GALNT14: variants seen among roughly 807,000 people sequenced by gnomAD.
The protein encoded by GALNT14 is polypeptide N-acetylgalactosaminyltransferase 14.
GALNT14 carries 60 observed loss-of-function variants against 77.5 expected under a neutral mutation model. The ratio of observed to expected loss-of-function variants is 0.77; its 90% CI spans 0.63 to 0.96. The LOEUF (loss-of-function observed/expected upper bound fraction) is 0.96, where lower values mean the gene tolerates loss of function less well. Ranked by LOEUF, GALNT14 falls within the 40% of genes least tolerant of loss-of-function variation. The pLI, the probability that GALNT14 is intolerant of heterozygous loss-of-function variation, is 0.00. For synonymous variants in GALNT14, 280 were observed against 281.7 expected (o/e 0.99, Z 0.06); for missense variants, 710 against 731.0 (o/e 0.97, Z 0.33).
intron 2 of GALNT14, among the ~76,000 whole-genome samples, chr2:30,967,900 A>C (rs570914413): frequency 6.6e-6 from 1 of 151,914 alleles, no homozygotes; most frequent in South Asian, 2.1e-4. Flanking sequence ...TGCTGCCATG[A>C]CTCTCCACCA....
chr2:31,072,179 G>A (rs1044334652), intron 1 of GALNT14, among the ~76,000 whole-genome samples: 4 of 152,114 alleles, frequency 2.6e-5, no homozygotes, highest in East Asian at 1.9e-4. Flanking sequence ...GGTGGAGGGC[G>A]AGGGCAGAAG....
intron 1 of GALNT14, among the ~76,000 whole-genome samples, chr2:31,023,443 G>T (rs189540558): frequency 6.6e-6 from 1 of 151,884 alleles, no homozygotes; most frequent in East Asian, 1.9e-4. Context: ...GCATACATGC[G>T]GTGAATTTCC....
At chr2:31,109,889 G>T (rs1355403843) in intron 1 of GALNT14, among the ~76,000 whole-genome samples, 1 of 152,160 alleles carries the variant, frequency 6.6e-6, no homozygotes, top group African/African-American at 2.4e-5. Context: ...TAGCTTGGGA[G>T]AGAGAAAAAG....
intron 2 of GALNT14, among the ~76,000 whole-genome samples, chr2:30,988,226 C>T (rs1669440154): frequency 1.3e-5 from 2 of 152,214 alleles, no homozygotes; most frequent in Admixed American, 1.3e-4. Context: ...AGATGCTCAA[C>T]ATGTTACTCA....
At chr2:30,913,282 G>C (rs1311415976) in intron 13 of GALNT14, among the ~76,000 whole-genome samples, 1 of 152,118 alleles carries the variant, frequency 6.6e-6, no homozygotes, top group Non-Finnish European at 1.5e-5. Context: ...GGGTCCCCTG[G>C]GGAAGCTGCG....
rs540611578 is a variant in GALNT14 at position 31,017,550 on chromosome 2, T to C, written c.130-24543A>G. Among the ~76,000 whole-genome samples the C allele has an allele frequency of 1.1e-4, 16 of 152,290 alleles. No homozygotes were observed. The South Asian group carries it at 2.1e-3, about 20-fold the overall frequency. On this transcript the variant is annotated intron_variant, in intron 1 of 14. Transcript: ENST00000349752. Reference sequence around the variant, plus strand: ...GTAAAGGGTTTAAAGACTGGGACCCTTTGCTCCAAGTATTGAGTCAGGGGA... The same window carrying C: ...GTAAAGGGTTTAAAGACTGGGACCCCTTGCTCCAAGTATTGAGTCAGGGGA...
intron 6 of GALNT14, among the ~76,000 whole-genome samples, chr2:30,952,193 A>T (rs1357668256): frequency 6.6e-6 from 1 of 152,240 alleles, no homozygotes; most frequent in Non-Finnish European, 1.5e-5. Flanking sequence ...TTTAAAAAAG[A>T]CACTTTCTGC....
chr2:30,956,567 C>A (rs1054982204), intron 4 of GALNT14, among the ~76,000 whole-genome samples: 33 of 152,132 alleles, frequency 2.2e-4, no homozygotes, highest in African/African-American at 8.0e-4. Context: ...AGTTCAGTGG[C>A]GCAATCTCTG....
chr2:31,080,429 TC>T (rs1676088466), intron 1 of GALNT14, among the ~76,000 whole-genome samples: 1 of 152,184 alleles, frequency 6.6e-6, no homozygotes, highest in Non-Finnish European at 1.5e-5. Flanking sequence ...AAATCTAACA[TC>T]CCTGCTAGAA....
chr2:31,137,964 G>A lies in GALNT14; in HGVS notation c.123C>T (p.Thr41=), dbSNP rs1289781039. 1.2e-6 allele frequency: 2 copies of A among 1,612,796 alleles called. No homozygotes were observed. Among genetic ancestry groups the A allele is most frequent in the African/African-American group, 1.3e-5 (1 of 75,000 alleles). ...GCGCCGGCAAGCCGCCTACCTTAGG[G>A]GTCTGCACTTCAGGTCCCGTCGGCA... ...LEVPTGPEVQ[T]PKPSDADWDD... The change falls in exon 1 of 15, where the codon ACC becomes ACT. Residue 41 remains threonine, a synonymous_variant. Coordinates refer to ENST00000349752, the MANE Select transcript of GALNT14 (RefSeq NM_024572.4).
chr2:30,888,745 G>A, the GALNT14 span, among the ~76,000 whole-genome samples: 1 of 152,030 alleles, frequency 6.6e-6, no homozygotes, highest in East Asian at 1.9e-4. Flanking sequence ...GAGAAGAGGA[G>A]GGTGCAGGGC....
chr2:30,924,141 T>C lies in GALNT14; in HGVS notation c.1358A>G (p.Lys453Arg). The change falls in exon 13 of 15, where the codon AAA becomes AGA. Residue 453 changes from lysine (K) to arginine (R), a missense_variant. By Grantham distance (26) the Lys-to-Arg change is conservative. Transcript: ENST00000349752. ...NLKLSPCAKV[K>R]GEDAKSQVWA... ...TACCTGGGACTTTGCATCTTCGCCT[T>C]TGACCTTGGCACAGGGGCTCAACTT... The C allele has an allele frequency of 6.2e-7, 1 of 1,614,266 alleles. No individual in the cohort carries two copies. Among genetic ancestry groups the C allele is most frequent in the South Asian group, 1.1e-5 (1 of 91,080 alleles).
intron 1 of GALNT14, among the ~76,000 whole-genome samples, chr2:31,131,792 C>T (rs900520303): frequency 2.0e-5 from 3 of 152,188 alleles, no homozygotes; most frequent in Admixed American, 6.5e-5. Context: ...TAAATGACCT[C>T]TGATGAGTGG....
chr2:30,984,855 G>C (rs992159578), intron 2 of GALNT14, among the ~76,000 whole-genome samples: 1 of 152,200 alleles, frequency 6.6e-6, no homozygotes, highest in African/African-American at 2.4e-5. Context: ...TAACTCCTGT[G>C]CTGTGCTGCA....
intron 6 of GALNT14, among the ~76,000 whole-genome samples, chr2:30,951,507 T>C (rs185957754): frequency 6.6e-6 from 1 of 152,288 alleles, no homozygotes; most frequent in East Asian, 1.9e-4. Context: ...CTTTTCCTTT[T>C]GGGGTGATGA....
At chr2:30,894,006 T>C in the GALNT14 span, among the ~76,000 whole-genome samples, 1 of 152,184 alleles carries the variant, frequency 6.6e-6, no homozygotes, top group Non-Finnish European at 1.5e-5. Flanking sequence ...ATTAGATTTT[T>C]CTAAAAGTGC....
At chr2:30,892,029 G>A in the GALNT14 span, among the ~76,000 whole-genome samples, 2 of 152,110 alleles carry the variant, frequency 1.3e-5, no homozygotes, top group Admixed American at 1.3e-4. Context: ...TGACTATTGC[G>A]ATCCCACCAA....
At chr2:31,010,889 A>G (rs1325681243) in intron 1 of GALNT14, among the ~76,000 whole-genome samples, 2 of 152,372 alleles carry the variant, frequency 1.3e-5, no homozygotes, top group East Asian at 3.9e-4. Context: ...GCCAGCAAGG[A>G]AGTGGCAAGA....
intron 13 of GALNT14, among the ~76,000 whole-genome samples, chr2:30,916,683 AT>A (rs1664697845): frequency 6.6e-6 from 1 of 152,196 alleles, no homozygotes; most frequent in African/African-American, 2.4e-5. Flanking sequence ...CAGTCTGGCC[AT>A]AGCTGTGGAA....
Sources: allele counts gnomAD v4.1 joint callset (sites outside exome capture counted in the v4.1 genomes callset), GRCh38; gene constraint gnomAD v4.1.1; transcripts MANE v1.5; gene names NCBI Gene and HGNC (gene_info 2026-07-23, HGNC 2026-07-21).